Variants in KLRG1 observed in about 807,000 individuals in gnomAD.
The protein encoded by KLRG1 is killer cell lectin-like receptor subfamily G member 1.
In KLRG1, 16 loss-of-function variants were observed where a neutral mutation model predicts 21.8. The ratio of observed to expected loss-of-function variants is 0.73; its 90% confidence interval spans 0.50 to 1.11. KLRG1 has a LOEUF of 1.11. Among genes scored for constraint, KLRG1 ranks in the 50% most tolerant of loss-of-function variants. The probability of loss-of-function intolerance (pLI) is 0.00; values close to 1 mark genes in which losing one functional copy is unlikely to be tolerated. For synonymous variants in KLRG1, 69 were observed against 75.9 expected (o/e 0.91, Z 0.47); for missense variants, 173 against 218.3 (o/e 0.79, Z 1.31).
chr12:9,089,412 G>A, the KLRG1 span, among the ~76,000 whole-genome samples: 5 of 152,168 alleles, frequency 3.3e-5, 1 homozygote, highest in Admixed American at 2.6e-4. Flanking sequence ...GAGGTAGTTC[G>A]ATGCATGAAC....
chr12:8,953,549 G>T (rs912622313), intron 1 of KLRG1, among the ~76,000 whole-genome samples: 1 of 152,170 alleles, frequency 6.6e-6, no homozygotes, highest in African/African-American at 2.4e-5. Flanking sequence ...GCTTTAAACT[G>T]TCTTCAGCTT....
chr12:9,105,121 T>C, the KLRG1 span, among the ~76,000 whole-genome samples: 2 of 152,176 alleles, frequency 1.3e-5, no homozygotes, highest in Non-Finnish European at 1.5e-5. Flanking sequence ...GTAGTCCAGT[T>C]CAGATTGTAA....
chr12:9,070,596 G>GA, the KLRG1 span: 1 of 1,570,798 alleles, frequency 6.4e-7, no homozygotes, highest in Non-Finnish European at 8.7e-7. Flanking sequence ...TCCAGGGGAG[G>GA]AAAGGATTAG....
At chr12:9,192,147 A>C in the KLRG1 span, 3 of 1,495,016 alleles carry the variant, frequency 2.0e-6, no homozygotes, top group Non-Finnish European at 2.8e-6. Flanking sequence ...GGGAAGGGTA[A>C]GGATGTGTTA....
the KLRG1 span, among the ~76,000 whole-genome samples, chr12:9,023,362 G>A: frequency 9.2e-5 from 14 of 152,150 alleles, no homozygotes; most frequent in Non-Finnish European, 1.9e-4. Context: ...TGTTGTGAGA[G>A]TATAGTATGG....
the KLRG1 span, among the ~76,000 whole-genome samples, chr12:9,183,185 A>C: frequency 4.6e-5 from 7 of 152,232 alleles, no homozygotes; most frequent in African/African-American, 1.2e-4. Context: ...TATCAGGATG[A>C]ACAAGGCTAG....
chr12:9,153,562 G>A, the KLRG1 span, among the ~76,000 whole-genome samples: 1 of 152,194 alleles, frequency 6.6e-6, no homozygotes. Context: ...GTTTATTAAT[G>A]TCACTGTTTA....
intron 3 of KLRG1, among the ~76,000 whole-genome samples, chr12:9,005,937 C>T (rs1209010408): frequency 2.6e-5 from 4 of 152,264 alleles, no homozygotes; most frequent in Non-Finnish European, 5.9e-5. Flanking sequence ...CCTAGCCGCT[C>T]ACCTCCTGCT....
chr12:9,077,861 A>C, the KLRG1 span: 2 of 1,614,116 alleles, frequency 1.2e-6, no homozygotes, highest in Non-Finnish European at 1.7e-6. Flanking sequence ...TGTGAGCCTG[A>C]CCAGGGAGGA....
At chr12:9,022,038 T>C in the KLRG1 span, among the ~76,000 whole-genome samples, 1 of 149,870 alleles carries the variant, frequency 6.7e-6, no homozygotes, top group Non-Finnish European at 1.5e-5. Context: ...GATGGAAGGA[T>C]CCCTTGGGCC....
At chr12:9,152,485 C>A in the KLRG1 span, among the ~76,000 whole-genome samples, 2 of 152,194 alleles carry the variant, frequency 1.3e-5, no homozygotes, top group Admixed American at 1.3e-4. Context: ...GCATATACAT[C>A]AGATCTACCA....
the KLRG1 span, chr12:9,163,596 C>G: frequency 1.3e-6 from 2 of 1,518,686 alleles, no homozygotes; most frequent in Non-Finnish European, 1.8e-6. Context: ...ATTAATGGTT[C>G]TTTGTTGTCT....
At chr12:9,135,125 C>A in the KLRG1 span, 1 of 217,434 alleles carries the variant, frequency 4.6e-6, no homozygotes, top group Non-Finnish European at 9.7e-6. Flanking sequence ...CCTCCATGTC[C>A]TTCGTCTCCA....
chr12:9,089,386 T>G, the KLRG1 span: 1 of 689,824 alleles, frequency 1.4e-6, no homozygotes. Context: ...TCTGTACATA[T>G]AAGCAATATA....
chr12:9,130,642 GTTAT>G, the KLRG1 span, among the ~76,000 whole-genome samples: 1 of 151,610 alleles, frequency 6.6e-6, no homozygotes, highest in Admixed American at 6.6e-5. Context: ...TTAAAATCTA[GTTAT>G]TTGATTTTTT....
At chr12:9,174,028 A>G in the KLRG1 span, among the ~76,000 whole-genome samples, 1 of 152,236 alleles carries the variant, frequency 6.6e-6, no homozygotes, top group African/African-American at 2.4e-5. Context: ...CAACAAAAAA[A>G]GAAAGCTTCA....
chr12:9,140,859 G>A, the KLRG1 span, among the ~76,000 whole-genome samples: 1 of 152,142 alleles, frequency 6.6e-6, no homozygotes, highest in Non-Finnish European at 1.5e-5. Flanking sequence ...CATAAGTCAA[G>A]TTTGATTCCT....
chr12:8,958,748 T>G (rs539981079), intron 1 of KLRG1, among the ~76,000 whole-genome samples: 1 of 152,064 alleles, frequency 6.6e-6, no homozygotes, highest in Non-Finnish European at 1.5e-5. Context: ...TCCCAGCTAC[T>G]TGGGAGGCTA....
chr12:8,961,240 G>C (rs764119600), intron 1 of KLRG1, among the ~76,000 whole-genome samples: 12 of 152,208 alleles, frequency 7.9e-5, no homozygotes, highest in South Asian at 2.1e-4. Flanking sequence ...TTTGAGCCAG[G>C]AGTTTTGTGT....
Sources: gnomAD v4.1 joint callset for allele counts (sites outside exome capture counted in the v4.1 genomes callset) on GRCh38, gnomAD v4.1.1 for gene constraint, MANE v1.5 for transcripts, NCBI Gene and HGNC (gene_info 2026-07-23, HGNC 2026-07-21) for gene names.